Variants in RPTOR observed in about 807,000 individuals in gnomAD.
RPTOR encodes regulatory associated protein of MTOR complex 1, also known as regulatory-associated protein of mTOR.
A neutral mutation model predicts 169.9 loss-of-function variants in RPTOR; 21 were observed. The observed-to-expected ratio is 0.12, with a 90% CI of 0.09 to 0.18. The LOEUF is 0.18. RPTOR is among the 10% of genes least tolerant of loss of function. RPTOR has a pLI of 1.00. For missense variants in RPTOR, 1,133 were observed against 1,855.9 expected (o/e 0.61, Z 7.16); for synonymous variants, 732 against 753.2 (o/e 0.97, Z 0.46).
At chr17:80,658,498 C>T (rs192642089) in intron 3 of RPTOR, among the ~76,000 whole-genome samples, 164 of 152,272 alleles carry the variant, frequency 1.1e-3, no homozygotes, top group African/African-American at 3.9e-3. Context: ...TCCCCGCACC[C>T]CCCTGTCCAG....
chr17:80,679,555 C>T (rs950976168), intron 3 of RPTOR, among the ~76,000 whole-genome samples: 2 of 152,150 alleles, frequency 1.3e-5, no homozygotes, highest in African/African-American at 4.8e-5. Context: ...TCATTTTTCC[C>T]TCCCTTTTTG....
chr17:80,949,375 C>T, intron 27 of RPTOR, 68 bp from the exon 28 acceptor site: 3 of 1,321,166 alleles, frequency 2.3e-6, no homozygotes, highest in Non-Finnish European at 2.2e-6. Context: ...GCTCTTACCA[C>T]CACGCACAGA....
At chr17:80,932,424 A>G (rs1348608415) in intron 24 of RPTOR, among the ~76,000 whole-genome samples, 1 of 152,216 alleles carries the variant, frequency 6.6e-6, no homozygotes, top group Admixed American at 6.5e-5. Context: ...AAGCAGAGAA[A>G]GACCCAAGGG....
At chr17:80,876,183 G>A (rs2068110036) in intron 13 of RPTOR, among the ~76,000 whole-genome samples, 1 of 120,284 alleles carries the variant, frequency 8.3e-6, no homozygotes, top group African/African-American at 3.7e-5. Flanking sequence ...CAGGGTGTGT[G>A]TGTCGCCTGC....
At chr17:80,752,040 G>A (rs1162579758) in intron 5 of RPTOR, among the ~76,000 whole-genome samples, 3 of 152,204 alleles carry the variant, frequency 2.0e-5, no homozygotes, top group African/African-American at 7.2e-5. Context: ...CGGTATGATC[G>A]GCATTTTTGG....
intron 3 of RPTOR, among the ~76,000 whole-genome samples, chr17:80,667,509 T>C (rs2065789976): frequency 6.6e-6 from 1 of 152,212 alleles, no homozygotes; most frequent in African/African-American, 2.4e-5. Context: ...TCGAAGTTTC[T>C]TTTTCTTGAC....
intron 24 of RPTOR, among the ~76,000 whole-genome samples, chr17:80,930,409 C>CCAGCTCAGCTCAGCTCATTCT (rs2068877041): frequency 9.5e-5 from 2 of 21,160 alleles, no homozygotes; most frequent in Non-Finnish European, 2.0e-4. Context: ...CAGCTCATCC[C>CCAGCTCAGCTCAGCTCATTCT]CAGCTCATCC....
chr17:80,607,563 A>G (rs1048225568), intron 1 of RPTOR, among the ~76,000 whole-genome samples: 3 of 150,622 alleles, frequency 2.0e-5, no homozygotes, highest in Non-Finnish European at 3.0e-5. Flanking sequence ...TCATCTCCCT[A>G]AAGTTTTTAA....
chr17:80,869,461 T>C (rs2068028564), intron 13 of RPTOR, among the ~76,000 whole-genome samples: 1 of 152,206 alleles, frequency 6.6e-6, no homozygotes, highest in Non-Finnish European at 1.5e-5. Context: ...TGGCCCCCCT[T>C]CTAGATTTTT....
At chr17:80,894,040 G>A (rs906272076) in intron 20 of RPTOR, among the ~76,000 whole-genome samples, 175 bp downstream of exon 20, 8 of 152,324 alleles carry the variant, frequency 5.3e-5, no homozygotes, top group East Asian at 1.9e-4. Flanking sequence ...TGGGGCAAGC[G>A]GGAAAGTTGA....
chr17:80,855,010 C>T (rs1174295511), intron 11 of RPTOR, among the ~76,000 whole-genome samples: 6 of 152,098 alleles, frequency 3.9e-5, no homozygotes, highest in African/African-American at 1.2e-4. Flanking sequence ...AGTACTGTGC[C>T]GCCTTTGGGA....
chr17:80,897,646 C>T (rs1220407306), intron 20 of RPTOR, among the ~76,000 whole-genome samples: 1 of 152,248 alleles, frequency 6.6e-6, no homozygotes, highest in African/African-American at 2.4e-5. Context: ...TCTTTGGGCG[C>T]TCCCCATTGG....
intron 11 of RPTOR, among the ~76,000 whole-genome samples, chr17:80,854,441 G>A (rs940505131): frequency 1.3e-5 from 2 of 152,256 alleles, no homozygotes; most frequent in African/African-American, 2.4e-5. Flanking sequence ...CGTGCGTGCC[G>A]TCGAGAGTGT....
chr17:80,560,659 A>C (rs903944631), intron 1 of RPTOR, among the ~76,000 whole-genome samples: 6 of 152,126 alleles, frequency 3.9e-5, no homozygotes, highest in Non-Finnish European at 8.8e-5. Flanking sequence ...GGGAAACGCC[A>C]CTGGGGGCCT....
intron 3 of RPTOR, among the ~76,000 whole-genome samples, chr17:80,678,958 C>G (rs34754307): frequency 0.18 from 26,895 of 152,204 alleles, 3,810 homozygotes; most frequent in African/African-American, 0.39. Flanking sequence ...TTGTTTTATT[C>G]CAACAGTGGC....
At chr17:80,682,082 T>G (rs1044268310) in intron 3 of RPTOR, among the ~76,000 whole-genome samples, 1 of 149,800 alleles carries the variant, frequency 6.7e-6, no homozygotes, top group African/African-American at 2.5e-5. Context: ...GAATATTACC[T>G]CATGTGGTGA....
intron 3 of RPTOR, 132 bp downstream of exon 3, chr17:80,643,942 C>T (rs989111223): frequency 5.8e-6 from 4 of 687,056 alleles, no homozygotes; most frequent in Non-Finnish European, 9.7e-6. Flanking sequence ...CGCCTGCGCA[C>T]TGCGTTTCGT....
intron 28 of RPTOR, among the ~76,000 whole-genome samples, chr17:80,953,297 G>A (rs2069205965): frequency 6.6e-6 from 1 of 151,904 alleles, no homozygotes; most frequent in South Asian, 2.1e-4. Context: ...TTTGAGACAG[G>A]TTCTTGCTGT....
At chr17:80,884,669 A>C (rs1598377368) in intron 16 of RPTOR, among the ~76,000 whole-genome samples, 16 of 149,658 alleles carry the variant, frequency 1.1e-4, no homozygotes, top group South Asian at 2.1e-4. Context: ...CCCTCTTTCC[A>C]CCCTCCCACG....
Sources: allele counts gnomAD v4.1 joint callset (sites outside exome capture counted in the v4.1 genomes callset), GRCh38; gene constraint gnomAD v4.1.1; transcripts MANE v1.5; gene names NCBI Gene and HGNC (gene_info 2026-07-23, HGNC 2026-07-21).